Variants in IAH1 observed in about 807,000 individuals in gnomAD.
IAH1 encodes isoamyl acetate-hydrolyzing esterase 1 homolog.
IAH1 carries 24 observed loss-of-function variants against 26.7 expected under a neutral mutation model. The observed-to-expected ratio is 0.90, with a 90% confidence interval of 0.65 to 1.26. The LOEUF is 1.26. Ranked by LOEUF, IAH1 falls within the 50% of genes most tolerant of loss-of-function variation. The pLI is 0.00. For synonymous variants in IAH1, 140 were observed against 118.5 expected (o/e 1.18, Z -1.18); for missense variants, 300 against 299.9 (o/e 1.00, Z 0.00).
chr2:9,478,744 C>T (rs1660974051), intron 3 of IAH1, among the ~76,000 whole-genome samples: 1 of 152,114 alleles, frequency 6.6e-6, no homozygotes, highest in African/African-American at 2.4e-5. Flanking sequence ...AGGGATATGT[C>T]AGGGCAGCAG....
At chr2:9,487,831 TGTGCGCGCGCGCG>T (rs1423171225) in intron 5 of IAH1, among the ~76,000 whole-genome samples, 1 of 80,172 alleles carries the variant, frequency 1.2e-5, no homozygotes, top group Non-Finnish European at 2.8e-5. Context: ...TGTGTGTGTG[TGTGCGCGCGCGCG>T]CGCGCGCTGT....
At position 9,488,384 on chromosome 2, in the gene IAH1, T is replaced by C; in HGVS notation, c.*55T>C. 7.4e-7 allele frequency: 1 copy of C among 1,343,506 alleles called. No individual in the cohort carries two copies. Among genetic ancestry groups the C allele is most frequent in the Non-Finnish European group, 1.0e-6 (1 of 984,978 alleles). The allele number at this position is 1,343,506 out of a possible 1,614,324, so 83.2% of individuals were successfully genotyped here. On this transcript the variant is annotated 3_prime_UTR_variant, in exon 6 of 6. Transcript: ENST00000497473. The stretch of plus-strand genomic sequence containing the variant: ...TATCTACAGAACTCAAAGTTGTCAA[T>C]ACGTAGAGGTACGCTTTTTTCCTCA...
chr2:9,480,577 G>A (rs1661110414), intron 3 of IAH1, among the ~76,000 whole-genome samples: 1 of 152,142 alleles, frequency 6.6e-6, no homozygotes, highest in Non-Finnish European at 1.5e-5. Context: ...TTTTTTAAAA[G>A]TGTATGTATC....
chr2:9,501,272 G>C (rs1466914521), downstream of IAH1, among the ~76,000 whole-genome samples: 6 of 152,156 alleles, frequency 3.9e-5, no homozygotes, highest in Non-Finnish European at 7.3e-5. Context: ...GTAAGAACAA[G>C]AGATTACTTT....
At chr2:9,511,399 G>A in the IAH1 span, among the ~76,000 whole-genome samples, 2 of 151,928 alleles carry the variant, frequency 1.3e-5, no homozygotes, top group East Asian at 1.9e-4. Flanking sequence ...GCAGTGAGCT[G>A]AGATCATGCC....
chr2:9,499,462 C>G (rs1662866317), downstream of IAH1, among the ~76,000 whole-genome samples: 1 of 151,772 alleles, frequency 6.6e-6, no homozygotes, highest in African/African-American at 2.4e-5. Flanking sequence ...AGTGCAGTGG[C>G]GTGATCTCGG....
At chr2:9,496,410 GTGAGTCACC>G (rs1216071073) in exon 7 of IAH1, 1 of 151,410 alleles carries the variant, frequency 6.6e-6, no homozygotes, top group Non-Finnish European at 1.5e-5. Flanking sequence ...GATTACAGGT[GTGAGTCACC>G]ACACCTGGCT....
At chr2:9,480,970 T>A (rs1272983399) in intron 3 of IAH1, 2 of 215,328 alleles carry the variant, frequency 9.3e-6, no homozygotes, top group Admixed American at 5.4e-5. Flanking sequence ...GATTTGAACC[T>A]AGGCCGTCTC....
At chr2:9,491,508 G>A (rs146683716), downstream of IAH1, among the ~76,000 whole-genome samples, 169 of 152,316 alleles carry the variant, frequency 1.1e-3, no homozygotes, top group African/African-American at 3.5e-3. Context: ...CACCAGGACC[G>A]CACTGACTGG....
At chr2:9,509,367 G>GT in the IAH1 span, among the ~76,000 whole-genome samples, 25 of 152,276 alleles carry the variant, frequency 1.6e-4, no homozygotes, top group Admixed American at 1.5e-3. Flanking sequence ...CTCTGAAAGT[G>GT]TTTTACAGTA....
the IAH1 span, chr2:9,510,051 G>A: frequency 6.2e-7 from 1 of 1,613,984 alleles, no homozygotes; most frequent in Non-Finnish European, 8.5e-7. Context: ...CCTCATTCGG[G>A]GCACATTCTG....
intron 1 of IAH1, 70 bp from the exon 2 acceptor site, chr2:9,475,917 A>G (rs1402526388): frequency 2.9e-6 from 4 of 1,389,542 alleles, no homozygotes; most frequent in East Asian, 4.6e-5. Context: ...GAAGTTGCCA[A>G]TCAGAACTGC....
chr2:9,508,515 T>C, the IAH1 span, among the ~76,000 whole-genome samples: 1 of 152,270 alleles, frequency 6.6e-6, no homozygotes, highest in South Asian at 2.1e-4. Flanking sequence ...GTTGAAACCA[T>C]TGCTATAAGT....
chr2:9,504,819 T>C, the IAH1 span, among the ~76,000 whole-genome samples: 1 of 151,398 alleles, frequency 6.6e-6, no homozygotes, highest in Admixed American at 6.6e-5. Context: ...CCAAGGAGCA[T>C]GCAAGGTCAA....
Position 9,474,605 on chromosome 2 carries a change from G to A in IAH1, c.39G>A (p.Leu13=). The change falls in exon 1 of 6, where the codon CTG becomes CTA. Residue 13 remains leucine, a synonymous_variant. Coordinates refer to ENST00000497473, the MANE Select transcript of IAH1 (RefSeq NM_001039613.3). The surrounding 1 kb of genome is among the most constrained non-coding windows in gnomAD (Gnocchi z 4.3). ...AGGCCGCGGGCTGCGGGAGTGCCCT[G>A]CTCTGGCCTCGCTTGTTGCTCTTCG... The part of the protein sequence containing the change: ...LCEAAGCGSA[L]LWPRLLLFGD... 6.4e-7 allele frequency: 1 copy of A among 1,553,122 alleles called. No homozygotes were observed. The highest frequency in any genetic ancestry group is 8.7e-7 in the Non-Finnish European group (1 of 1,154,406).
intron 5 of IAH1, among the ~76,000 whole-genome samples, chr2:9,487,819 TGTGTGTGTGTGTGTGC>T (rs1277103409): frequency 1.2e-4 from 13 of 107,648 alleles, no homozygotes; most frequent in African/African-American, 3.2e-4. Context: ...TGTGTGTGTG[TGTGTGTGTGTGTGTGC>T]GCGCGCGCGC....
chr2:9,502,395 C>T, the IAH1 span: 1 of 779,940 alleles, frequency 1.3e-6, no homozygotes, highest in Non-Finnish European at 2.1e-6. Context: ...CTGGCTCCGT[C>T]ACCCACTCCT....
chr2:9,497,202 A>G (rs56237316), downstream of IAH1: 22,862 of 1,614,228 alleles, frequency 0.014, 218 homozygotes, highest in South Asian at 0.016. Flanking sequence ...CCAAGCAAAC[A>G]GTGTCATCTT....
chr2:9,509,894 A>C, the IAH1 span: 2 of 1,522,318 alleles, frequency 1.3e-6, no homozygotes, highest in Admixed American at 1.9e-5. Flanking sequence ...ACGCCTAGGA[A>C]TGGAATACGT....
Sources: allele counts gnomAD v4.1 joint callset (sites outside exome capture counted in the v4.1 genomes callset), GRCh38; gene constraint gnomAD v4.1.1; non-coding constraint Gnocchi (gnomAD v3.1); transcripts MANE v1.5; gene names NCBI Gene and HGNC (gene_info 2026-07-23, HGNC 2026-07-21).